The following PPP2R2B variants were observed in gnomAD, a reference collection of about 807,000 sequenced individuals.
PPP2R2B encodes protein phosphatase 2 regulatory subunit Bbeta.
Under a neutral mutation model 46.0 loss-of-function variants are expected in PPP2R2B, and 5 were observed. That is an observed-to-expected ratio of 0.11 (90% CI 0.06 to 0.23). PPP2R2B has a LOEUF of 0.23. PPP2R2B is among the 10% of genes least tolerant of loss of function. PPP2R2B has a pLI of 1.00. For missense variants in PPP2R2B, 367 were observed against 575.0 expected (o/e 0.64, Z 3.70); for synonymous variants, 215 against 206.7 (o/e 1.04, Z -0.34).
intron 2 of PPP2R2B, among the ~76,000 whole-genome samples, chr5:146,786,730 G>C (rs1755863412): frequency 6.6e-6 from 1 of 152,056 alleles, no homozygotes; most frequent in Non-Finnish European, 1.5e-5. Flanking sequence ...CTCCCAAACT[G>C]GTAGGGAAAA....
intron 2 of PPP2R2B, among the ~76,000 whole-genome samples, chr5:146,705,710 TGCATTTGA>T (rs1310922040): frequency 6.6e-6 from 1 of 152,098 alleles, no homozygotes; most frequent in Non-Finnish European, 1.5e-5. Context: ...ACTGAAATAG[TGCATTTGA>T]GCATATTTTC....
intron 2 of PPP2R2B, among the ~76,000 whole-genome samples, chr5:146,836,410 T>C (rs942662168): frequency 4.6e-5 from 7 of 152,224 alleles, no homozygotes; most frequent in Admixed American, 4.6e-4. Context: ...TCACTTCTTT[T>C]GTTTAAGGTG....
chr5:146,804,482 TC>T (rs907050433), intron 2 of PPP2R2B, among the ~76,000 whole-genome samples: 83 of 152,232 alleles, frequency 5.5e-4, no homozygotes, highest in African/African-American at 1.9e-3. Flanking sequence ...CCTGCTCTGA[TC>T]CATTGCCTTT....
intron 2 of PPP2R2B, among the ~76,000 whole-genome samples, chr5:146,833,579 T>C (rs1434087090): frequency 1.3e-5 from 2 of 152,224 alleles, no homozygotes; most frequent in Non-Finnish European, 2.9e-5. Flanking sequence ...TTATGAAATC[T>C]TGACACCTCA....
Position 146,613,894 on chromosome 5 carries a change from A to T in PPP2R2B, c.791-13434T>A, listed in dbSNP as rs948373025. Among the ~76,000 whole-genome samples the T allele has an allele frequency of 2.5e-4, 34 of 137,030 alleles. 1 individual carries two copies. The highest frequency in any genetic ancestry group is 4.4e-4 in the Non-Finnish European group (29 of 66,418). The allele number at this position is 137,030 out of a possible 152,430, so 89.9% of individuals were successfully genotyped here. ...GAACATTCCATGCTCATGGGTAGGA[A>T]GAATCGATATCGTGAAAATGGCCAT... On this transcript the variant is annotated intron_variant, in intron 7 of 9. Coordinates refer to ENST00000394411, the MANE Select transcript of PPP2R2B (RefSeq NM_181675.4).
intron 1 of PPP2R2B, among the ~76,000 whole-genome samples, chr5:146,920,922 C>T (rs1029606501): frequency 6.6e-6 from 1 of 152,160 alleles, no homozygotes; most frequent in African/African-American, 2.4e-5. Context: ...CCACCAAAAC[C>T]TCTTTGGAGA....
intron 8 of PPP2R2B, among the ~76,000 whole-genome samples, chr5:146,598,758 T>G (rs80275561): frequency 0.018 from 2,799 of 152,310 alleles, 31 homozygotes; most frequent in Non-Finnish European, 0.023. Context: ...CTACCTTCAT[T>G]GCTAATACAC....
At chr5:146,707,119 A>G in intron 2 of PPP2R2B, 2 of 1,595,888 alleles carry the variant, frequency 1.3e-6, no homozygotes, top group Admixed American at 1.7e-5. Flanking sequence ...CGTGTTGCCA[A>G]GCTCCGCCTC....
chr5:146,769,631 A>G (rs539224015), intron 2 of PPP2R2B, among the ~76,000 whole-genome samples: 4 of 152,360 alleles, frequency 2.6e-5, no homozygotes, highest in Admixed American at 6.5e-5. Context: ...CATAGGATCT[A>G]TATTAGCTTA....
intron 2 of PPP2R2B, among the ~76,000 whole-genome samples, chr5:146,822,462 A>T (rs73793286): frequency 0.021 from 3,232 of 150,862 alleles, 111 homozygotes; most frequent in African/African-American, 0.075. Context: ...CACATTCATT[A>T]CTGCTCCAGG....
intron 2 of PPP2R2B, among the ~76,000 whole-genome samples, chr5:146,783,253 TG>T (rs1028120370): frequency 1.3e-5 from 2 of 152,204 alleles, no homozygotes; most frequent in Non-Finnish European, 2.9e-5. Flanking sequence ...GTTTAATTTA[TG>T]GCCCAGGTTA....
intron 7 of PPP2R2B, among the ~76,000 whole-genome samples, chr5:146,631,531 A>G (rs899243474): frequency 2.6e-5 from 4 of 152,096 alleles, no homozygotes; most frequent in African/African-American, 9.7e-5. Flanking sequence ...CACTTTTACT[A>G]TTCCCAGTCC....
At chr5:146,976,794 T>G (rs548843426) in intron 1 of PPP2R2B, among the ~76,000 whole-genome samples, 1 of 152,308 alleles carries the variant, frequency 6.6e-6, no homozygotes, top group East Asian at 1.9e-4. Flanking sequence ...AAAATTTTCT[T>G]GGTGACTTTT....
At chr5:147,000,824 T>C (rs1052242820) in intron 1 of PPP2R2B, among the ~76,000 whole-genome samples, 2 of 152,156 alleles carry the variant, frequency 1.3e-5, no homozygotes, top group African/African-American at 4.8e-5. Flanking sequence ...AATCATCTCC[T>C]GAGGGATTTC....
At chr5:146,722,013 C>T (rs1780833962) in intron 2 of PPP2R2B, among the ~76,000 whole-genome samples, 1 of 152,126 alleles carries the variant, frequency 6.6e-6, no homozygotes, top group Non-Finnish European at 1.5e-5. Context: ...ACAATAAAAC[C>T]ATAAGGTAGA....
intron 7 of PPP2R2B, among the ~76,000 whole-genome samples, chr5:146,619,422 C>T (rs560438997): frequency 6.6e-6 from 1 of 152,022 alleles, no homozygotes; most frequent in Non-Finnish European, 1.5e-5. Flanking sequence ...GGAGATTGCA[C>T]TCCAGCCTGG....
At chr5:147,005,495 G>T (rs1754394617) in intron 1 of PPP2R2B, among the ~76,000 whole-genome samples, 1 of 152,160 alleles carries the variant, frequency 6.6e-6, no homozygotes, top group Non-Finnish European at 1.5e-5. Flanking sequence ...AACCTCTGGG[G>T]GAACCCCCAC....
chr5:146,793,050 G>A (rs1756307852), intron 2 of PPP2R2B, among the ~76,000 whole-genome samples: 1 of 152,212 alleles, frequency 6.6e-6, no homozygotes. Flanking sequence ...TTAGATACTT[G>A]CTTGCATCAG....
intron 1 of PPP2R2B, among the ~76,000 whole-genome samples, chr5:146,910,288 G>T (rs1763134578): frequency 6.6e-6 from 1 of 152,196 alleles, no homozygotes; most frequent in Non-Finnish European, 1.5e-5. Context: ...AGGCTATACA[G>T]CTATGGATGC....
Sources: allele counts gnomAD v4.1 joint callset (sites outside exome capture counted in the v4.1 genomes callset), GRCh38; gene constraint gnomAD v4.1.1; transcripts MANE v1.5; gene names NCBI Gene and HGNC (gene_info 2026-07-23, HGNC 2026-07-21).